Variants in MSRB3 observed in about 807,000 individuals in gnomAD.
MSRB3 encodes methionine sulfoxide reductase B3.
MSRB3 carries 13 observed loss-of-function variants against 21.0 expected under a neutral mutation model. The observed-to-expected ratio is 0.62, with a 90% CI of 0.40 to 0.98. The LOEUF (loss-of-function observed/expected upper bound fraction) is 0.98. MSRB3 is among the 50% of genes least tolerant of loss of function. The pLI is 0.00. For missense variants in MSRB3, 199 were observed against 230.3 expected, an observed-to-expected ratio of 0.86 and a Z score of 0.88; for synonymous variants, 87 against 88.6, an observed-to-expected ratio of 0.98 and a Z score of 0.10.
chr12:65,385,692 T>A (rs957581859), intron 5 of MSRB3, among the ~76,000 whole-genome samples: 6 of 152,114 alleles, frequency 3.9e-5, no homozygotes, highest in Middle Eastern at 3.4e-3. Flanking sequence ...ACTAAAAAAA[T>A]TAAAATGAAT....
intron 5 of MSRB3, among the ~76,000 whole-genome samples, chr12:65,433,663 A>G (rs1881987440): frequency 6.6e-6 from 1 of 151,890 alleles, no homozygotes; most frequent in South Asian, 2.1e-4. Context: ...TAGCTTTCCT[A>G]GCTTTCAGGA....
intron 5 of MSRB3, among the ~76,000 whole-genome samples, chr12:65,445,391 C>A (rs1034312966): frequency 6.7e-6 from 1 of 149,832 alleles, no homozygotes; most frequent in Admixed American, 6.7e-5. Flanking sequence ...TGCTTAAAAG[C>A]CTTCAGGTGG....
intron 3 of MSRB3, 35 bp from the exon 4 acceptor site, chr12:65,328,491 A>C: frequency 7.0e-7 from 1 of 1,435,312 alleles, no homozygotes; most frequent in Non-Finnish European, 9.8e-7. Context: ...AATAATGCTA[A>C]CTTTAATTTT....
intron 5 of MSRB3, among the ~76,000 whole-genome samples, chr12:65,375,601 C>T (rs978530982): frequency 2.6e-5 from 4 of 151,838 alleles, no homozygotes; most frequent in Admixed American, 2.6e-4. Flanking sequence ...CATGCCGGGC[C>T]AATTTAAAAA....
intron 5 of MSRB3, among the ~76,000 whole-genome samples, chr12:65,386,123 A>G (rs1050651937): frequency 4.6e-5 from 7 of 151,970 alleles, no homozygotes; most frequent in Admixed American, 3.3e-4. Flanking sequence ...AAACTTAACT[A>G]TTTAATTTTA....
chr12:65,362,670 A>T (rs1565855497), intron 4 of MSRB3, among the ~76,000 whole-genome samples: 1 of 152,168 alleles, frequency 6.6e-6, no homozygotes, highest in African/African-American at 2.4e-5. Context: ...AAGGGATTTA[A>T]TCGAGCCTGC....
intron 4 of MSRB3, among the ~76,000 whole-genome samples, chr12:65,356,316 A>AT (rs1234926651): frequency 2.0e-5 from 3 of 151,818 alleles, no homozygotes; most frequent in Non-Finnish European, 2.9e-5. Context: ...CAAATGTATT[A>AT]TTTTTTGCCT....
chr12:65,382,900 A>T (rs1204083401), intron 5 of MSRB3, among the ~76,000 whole-genome samples: 2 of 152,028 alleles, frequency 1.3e-5, no homozygotes, highest in African/African-American at 4.8e-5. Flanking sequence ...ATGGATATAT[A>T]TGTGAATAAA....
intron 5 of MSRB3, among the ~76,000 whole-genome samples, chr12:65,395,097 A>T (rs1221939310): frequency 6.6e-6 from 1 of 152,238 alleles, no homozygotes; most frequent in Non-Finnish European, 1.5e-5. Flanking sequence ...GAAAAAAAAT[A>T]AAAGAAAGAA....
intron 5 of MSRB3, among the ~76,000 whole-genome samples, chr12:65,393,797 C>T (rs931727781): frequency 6.6e-6 from 1 of 151,944 alleles, no homozygotes; most frequent in Non-Finnish European, 1.5e-5. Context: ...CAGAAAATCT[C>T]CCGTAATCCT....
intron 5 of MSRB3, among the ~76,000 whole-genome samples, chr12:65,371,328 C>CAAAAA (rs34453745): frequency 4.7e-5 from 4 of 84,820 alleles, no homozygotes; most frequent in Admixed American, 1.4e-4. Context: ...GACTCCATCT[C>CAAAAA]AAAAAAAAAA....
At chr12:65,370,623 G>A (rs1442851157) in intron 5 of MSRB3, among the ~76,000 whole-genome samples, 2 of 152,172 alleles carry the variant, frequency 1.3e-5, no homozygotes, top group African/African-American at 2.4e-5. Context: ...CCAAATTAAA[G>A]TGTGCTGCTA....
At chr12:65,302,795 A>AT (rs1180901498) in intron 1 of MSRB3, among the ~76,000 whole-genome samples, 10 of 151,890 alleles carry the variant, frequency 6.6e-5, no homozygotes, top group African/African-American at 2.4e-4. Flanking sequence ...AAGAACAAAG[A>AT]TTTTTTTATA....
chr12:65,278,717 G>A lies in MSRB3; in HGVS notation c.-200G>A, dbSNP rs1040163940. On this transcript the variant is annotated 5_prime_UTR_variant, in exon 1 of 7. Transcript: ENST00000308259. ...GCCGCCCCGTCCGTCGCCCGGAGCCGGGGAGGGAGGGAGCGAGGTTCGGAC... is the reference window on the plus strand; with the variant it reads ...GCCGCCCCGTCCGTCGCCCGGAGCCAGGGAGGGAGGGAGCGAGGTTCGGAC... 10 of 1,499,850 alleles carry A rather than the reference G, an allele frequency of 6.7e-6. No homozygotes were observed. Among genetic ancestry groups the A allele is most frequent in the African/African-American group, 5.5e-5 (4 of 72,610 alleles). 92.9% of individuals were successfully genotyped at this position (1,499,850 alleles called of 1,614,324 possible).
intron 5 of MSRB3, among the ~76,000 whole-genome samples, chr12:65,381,126 G>T (rs1169812268): frequency 6.6e-6 from 1 of 152,120 alleles, no homozygotes; most frequent in African/African-American, 2.4e-5. Flanking sequence ...TATTCATGAA[G>T]GATTTGTTGC....
intron 5 of MSRB3, among the ~76,000 whole-genome samples, chr12:65,422,967 T>C (rs1297156776): frequency 1.4e-5 from 2 of 147,918 alleles, no homozygotes; most frequent in Non-Finnish European, 3.0e-5. Context: ...TTTTCTTTTT[T>C]TTTTTTTTTT....
rs189699004 is a variant in MSRB3 at position 65,399,443 on chromosome 12, C to T, written c.292+30417C>T. Among the ~76,000 whole-genome samples the T allele has an allele frequency of 2.8e-3, 419 of 152,178 alleles. 3 individuals carry two copies. Among genetic ancestry groups the T allele is most frequent in the African/African-American group, 9.4e-3 (389 of 41,508 alleles). ...TATAGGAATGCTTGTGATTTTTGCA[C>T]ATTGATTTTGTATCCTGAGACTTTG... is the stretch of plus-strand genomic sequence containing the variant. On this transcript the variant is annotated intron_variant, in intron 5 of 6. Coordinates refer to ENST00000308259, the MANE Select transcript of MSRB3 (RefSeq NM_001031679.3).
rs189167979 is a variant in MSRB3, at chr12:65,367,853, C to T, written c.264-1145C>T. Among the ~76,000 whole-genome samples, 506 of 152,010 alleles carry T rather than the reference C, an allele frequency of 3.3e-3. 5 individuals are homozygous for T. The highest frequency in any genetic ancestry group is 0.011 in the African/African-American group (470 of 41,480). On this transcript the variant is annotated intron_variant, in intron 4 of 6. Coordinates refer to ENST00000308259, the MANE Select transcript of MSRB3 (RefSeq NM_001031679.3). ...ATTGGTAACCATGGATGCAATTTTA[C>T]GTGTACATGTATATGTGTGTATTAC...
chr12:65,286,936 G>A (rs1222618938), intron 1 of MSRB3, among the ~76,000 whole-genome samples: 1 of 144,348 alleles, frequency 6.9e-6, no homozygotes, highest in Non-Finnish European at 1.5e-5. Context: ...TGGGAGAATC[G>A]CTTGAGCCCA....
Sources: gnomAD v4.1 joint callset for allele counts (sites outside exome capture counted in the v4.1 genomes callset) on GRCh38, gnomAD v4.1.1 for gene constraint, MANE v1.5 for transcripts, NCBI Gene and HGNC (gene_info 2026-07-23, HGNC 2026-07-21) for gene names.